HPSE2: variants seen among roughly 807,000 people sequenced by gnomAD.
HPSE2 encodes the protein inactive heparanase-2.
In HPSE2, 38 loss-of-function variants were observed where a neutral mutation model predicts 60.5. The ratio of observed to expected loss-of-function variants is 0.63; its 90% CI spans 0.48 to 0.82. The LOEUF (loss-of-function observed/expected upper bound fraction) is 0.82. Ranked by LOEUF, HPSE2 falls within the 40% of genes least tolerant of loss-of-function variation. HPSE2 has a pLI of 0.00. For synonymous variants in HPSE2, 295 were observed against 293.2 expected, an observed-to-expected ratio of 1.01 and a Z score of -0.06; for missense variants, 713 against 740.4, an observed-to-expected ratio of 0.96 and a Z score of 0.43.
At chr10:98,526,230 G>T (rs1409673132) in intron 9 of HPSE2, among the ~76,000 whole-genome samples, 1 of 152,208 alleles carries the variant, frequency 6.6e-6, no homozygotes, top group Non-Finnish European at 1.5e-5. Flanking sequence ...TGGGTATAAT[G>T]GTTAGAAGGA....
At chr10:99,152,516 G>A (rs183987589) in intron 2 of HPSE2, among the ~76,000 whole-genome samples, 1 of 152,114 alleles carries the variant, frequency 6.6e-6, no homozygotes, top group Admixed American at 6.5e-5. Flanking sequence ...AAACTCGTAA[G>A]ATTATATATA....
intron 3 of HPSE2, among the ~76,000 whole-genome samples, chr10:98,933,639 G>A (rs1954703758): frequency 7.0e-6 from 1 of 143,800 alleles, no homozygotes; most frequent in South Asian, 2.1e-4. Context: ...GGGGGCTCCT[G>A]TATTGGGTGC....
At chr10:99,291,420 C>T in the HPSE2 span, among the ~76,000 whole-genome samples, 1 of 152,068 alleles carries the variant, frequency 6.6e-6, no homozygotes, top group African/African-American at 2.4e-5. Flanking sequence ...CCCATCTCTA[C>T]TAAAAATACA....
chr10:98,932,008 G>C (rs1294657396), intron 3 of HPSE2, among the ~76,000 whole-genome samples: 1 of 143,718 alleles, frequency 7.0e-6, no homozygotes, highest in African/African-American at 2.8e-5. Flanking sequence ...GCACTTGGTT[G>C]AAAAGGAGTG....
chr10:98,970,657 A>C (rs766045909), intron 3 of HPSE2, among the ~76,000 whole-genome samples: 4 of 152,216 alleles, frequency 2.6e-5, no homozygotes, highest in Non-Finnish European at 5.9e-5. Context: ...GTGCTAACAC[A>C]AAAAAGTGGC....
In HPSE2 at chr10:99,018,446, C is replaced by T. The variant is rs142260889; in HGVS notation, c.610+125792G>A. ...CCAAGCCTCATGGGCAAATCACTCCCTTAGAGCTGTTGGACAACCTTTGGC... is the reference window on the plus strand; with the variant it reads ...CCAAGCCTCATGGGCAAATCACTCCTTTAGAGCTGTTGGACAACCTTTGGC... On this transcript the variant is annotated intron_variant, in intron 3 of 11. Transcript: ENST00000370552. Among the ~76,000 whole-genome samples, 145 of 152,260 alleles carry T rather than the reference C, an allele frequency of 9.5e-4. 1 individual carries two copies. Among genetic ancestry groups the T allele is most frequent in the African/African-American group, 3.2e-3 (133 of 41,534 alleles).
intron 3 of HPSE2, among the ~76,000 whole-genome samples, chr10:98,952,784 G>A (rs1341351461): frequency 6.6e-6 from 1 of 152,070 alleles, no homozygotes; most frequent in African/African-American, 2.4e-5. Context: ...TCCTCACATG[G>A]CCTTCCCTTG....
At chr10:98,949,809 T>G (rs1009240009) in intron 3 of HPSE2, among the ~76,000 whole-genome samples, 1 of 152,050 alleles carries the variant, frequency 6.6e-6, no homozygotes, top group African/African-American at 2.4e-5. Flanking sequence ...TGGAAGCACA[T>G]GTGTTTTTTA....
At chr10:98,827,774 T>C (rs1951586396) in intron 3 of HPSE2, among the ~76,000 whole-genome samples, 1 of 152,226 alleles carries the variant, frequency 6.6e-6, no homozygotes, top group African/African-American at 2.4e-5. Context: ...CCAAGGCACA[T>C]ATCCGACCAC....
At chr10:98,925,885 T>C (rs547238128) in intron 3 of HPSE2, among the ~76,000 whole-genome samples, 4 of 152,276 alleles carry the variant, frequency 2.6e-5, no homozygotes, top group African/African-American at 9.6e-5. Flanking sequence ...AAGTTTGGGA[T>C]ATTAAAGACA....
intron 1 of HPSE2, among the ~76,000 whole-genome samples, chr10:99,234,865 AG>A (rs1359315990): frequency 6.7e-6 from 1 of 150,052 alleles, no homozygotes; most frequent in Non-Finnish European, 1.5e-5. Flanking sequence ...TGGCGGGGGG[AG>A]GGGGGCATTC....
intron 2 of HPSE2, among the ~76,000 whole-genome samples, chr10:99,178,016 G>A (rs1847598961): frequency 6.6e-6 from 1 of 152,002 alleles, no homozygotes; most frequent in African/African-American, 2.4e-5. Flanking sequence ...GCTCCTGAAT[G>A]ACTACTGGGT....
chr10:98,647,419 C>T (rs1009179957), intron 6 of HPSE2, among the ~76,000 whole-genome samples: 12 of 152,120 alleles, frequency 7.9e-5, no homozygotes, highest in Admixed American at 2.6e-4. Context: ...TGCATTAGTG[C>T]GGGCTTCCCA....
At chr10:98,705,571 C>T (rs1175054531) in intron 5 of HPSE2, among the ~76,000 whole-genome samples, 1 of 152,112 alleles carries the variant, frequency 6.6e-6, no homozygotes, top group Non-Finnish European at 1.5e-5. Flanking sequence ...GAATAATACG[C>T]AGCCTTAAAA....
chr10:98,571,484 T>A (rs472241), intron 9 of HPSE2, among the ~76,000 whole-genome samples: 129,177 of 152,190 alleles, frequency 0.85, 56,108 homozygotes, highest in East Asian at 1. Flanking sequence ...TTTTACATTT[T>A]AAAAAAGCAT....
chr10:98,495,867 CA>C (rs2133695230), intron 9 of HPSE2, among the ~76,000 whole-genome samples: 1 of 152,232 alleles, frequency 6.6e-6, no homozygotes, highest in South Asian at 2.1e-4. Context: ...AAGTCTTTTT[CA>C]ATAATGGTTT....
In HPSE2 at chr10:98,551,999, A is replaced by C. The variant is rs970930770; in HGVS notation, c.1321-61803T>G. ...TAATAACCAGGCAAACTTGGCAAAC[A>C]CCTAACTAGGGCAAAGACAGCAGGG... On this transcript the variant is annotated intron_variant, in intron 9 of 11. Transcript: ENST00000370552. 2.6e-5 allele frequency among the ~76,000 whole-genome samples: 4 copies of C among 152,284 alleles called. No homozygotes were observed. The East Asian group carries it at 7.7e-4, about 29-fold the overall frequency.
chr10:98,726,427 C>G (rs1589717194), intron 4 of HPSE2, among the ~76,000 whole-genome samples: 1 of 136,876 alleles, frequency 7.3e-6, no homozygotes, highest in Non-Finnish European at 1.5e-5. Context: ...CAGGTGGGAA[C>G]TGAACAATGA....
intron 3 of HPSE2, among the ~76,000 whole-genome samples, chr10:99,132,218 AGAGAGAGAGAGAGAG>A (rs1845455461): frequency 1.6e-4 from 6 of 36,990 alleles, no homozygotes; most frequent in Non-Finnish European, 4.4e-4. Context: ...AGAGAGAGAG[AGAGAGAGAGAGAGAG>A]AGAGAGAGAG....
Sources: gnomAD v4.1 joint callset for allele counts (sites outside exome capture counted in the v4.1 genomes callset) on GRCh38, gnomAD v4.1.1 for gene constraint, MANE v1.5 for transcripts, NCBI Gene and HGNC (gene_info 2026-07-23, HGNC 2026-07-21) for gene names.